Variants in ARMC7 observed in about 807,000 individuals in gnomAD.
The protein encoded by ARMC7 is armadillo repeat-containing protein 7.
In ARMC7, 9 loss-of-function variants were observed where a neutral mutation model predicts 14.8. The ratio of observed to expected loss-of-function variants is 0.61; its 90% confidence interval spans 0.37 to 1.06. ARMC7 has a LOEUF of 1.06. Ranked by LOEUF, ARMC7 falls within the 50% of genes least tolerant of loss-of-function variation. ARMC7 has a pLI of 0.01. For missense variants in ARMC7, 262 were observed against 267.1 expected, an observed-to-expected ratio of 0.98 and a Z score of 0.13; for synonymous variants, 125 against 123.4, an observed-to-expected ratio of 1.01 and a Z score of -0.09.
At chr17:75,125,419 CAG>C (rs536086367) in intron 2 of ARMC7, among the ~76,000 whole-genome samples, 73 of 152,230 alleles carry the variant, frequency 4.8e-4, no homozygotes, top group Non-Finnish European at 8.8e-4. Context: ...TGAAAGGTCT[CAG>C]GGATGGACTG....
chr17:75,116,736 T>G (rs1370885977), intron 2 of ARMC7, among the ~76,000 whole-genome samples: 1 of 152,194 alleles, frequency 6.6e-6, no homozygotes, highest in Non-Finnish European at 1.5e-5. Flanking sequence ...TTCCTAGGAT[T>G]GTGGAGCGAA....
rs1440899283 is a variant in ARMC7, at chr17:75,110,331, G to T, written c.43G>T (p.Gly15Ter). ...PKVDPHVGRL[G>*]YLQALVTEFQ... ...GGTGGACCCCCACGTCGGGCGGCTG[G>T]GATACCTGCAGGCGCTGGTCACGGA... Residue 15 changes from glycine (G) to a stop codon, truncating the protein, a stop_gained, in exon 1 of 3, where the codon GGA (glycine) becomes TGA (stop). Coordinates refer to ENST00000245543, the MANE Select transcript of ARMC7 (RefSeq NM_024585.4). LOFTEE classifies it high-confidence loss of function. The T allele has an allele frequency of 6.2e-7, 1 of 1,613,776 alleles. No individual in the cohort carries two copies. The highest frequency in any genetic ancestry group is 1.3e-5 in the African/African-American group (1 of 74,924).
At chr17:75,118,749 G>A (rs892219746) in intron 2 of ARMC7, among the ~76,000 whole-genome samples, 16 of 152,282 alleles carry the variant, frequency 1.1e-4, no homozygotes, top group East Asian at 3.9e-4. Flanking sequence ...CTGGATGCCC[G>A]CCCAGTGCAC....
intron 2 of ARMC7, among the ~76,000 whole-genome samples, chr17:75,121,343 A>G (rs1457744265): frequency 6.6e-6 from 1 of 152,188 alleles, no homozygotes; most frequent in African/African-American, 2.4e-5. Context: ...GAAGCTGCCA[A>G]ATCACTTTCC....
rs2074077889 is a variant in ARMC7, at chr17:75,128,993, C to T, written c.552C>T (p.Ala184=). ...AEARSRQAHS[A]LGIPLPRSVA... Reference sequence around the variant, plus strand: ...CCCGCAGCCGGCAGGCGCACTCTGCCCTGGGTATCCCACTGCCGAGGAGCG... The same window carrying T: ...CCCGCAGCCGGCAGGCGCACTCTGCTCTGGGTATCCCACTGCCGAGGAGCG... Residue 184 remains alanine (A), a synonymous_variant, in exon 3 of 3, where the codon GCC becomes GCT. Coordinates refer to ENST00000245543, the MANE Select transcript of ARMC7 (RefSeq NM_024585.4). 6.2e-7 allele frequency: 1 copy of T among 1,600,618 alleles called. No individual in the cohort carries two copies. Among genetic ancestry groups the T allele is most frequent in the East Asian group, 2.2e-5 (1 of 44,872 alleles).
rs370804325 is a variant in ARMC7, at chr17:75,119,161, CACTGG to C, written c.235+8561_235+8565del. ...TGGACTGTACACTGGTACACTGGTA[CACTGG>C]ACTGGTACACTGGACTATTCACAGG... On this transcript the variant is annotated intron_variant, in intron 2 of 2. Coordinates refer to ENST00000245543, the MANE Select transcript of ARMC7 (RefSeq NM_024585.4). 2.3e-4 allele frequency among the ~76,000 whole-genome samples: 34 copies of C among 148,258 alleles called. No individual in the cohort carries two copies. The East Asian group carries it at 6.6e-3, about 29-fold the overall frequency.
At chr17:75,117,075 T>A (rs8068091) in intron 2 of ARMC7, among the ~76,000 whole-genome samples, 1 of 152,170 alleles carries the variant, frequency 6.6e-6, no homozygotes, top group Non-Finnish European at 1.5e-5. Context: ...TTTGTTTTTG[T>A]TTTTGGTTTT....
chr17:75,128,762 A>G lies in ARMC7; in HGVS notation c.321A>G (p.Leu107=), dbSNP rs995452833. ...GTGTCCCACTCATCATCAACTGCCT[A>G]TCCAGCCCCAATGAGGAGACGGTGC... ...AGGVPLIINC[L]SSPNEETVLS... is the part of the protein sequence containing the mutation. The change falls in exon 3 of 3, where the codon CTA becomes CTG. Residue 107 remains leucine, a synonymous_variant. Transcript: ENST00000245543. 2.0e-5 allele frequency: 32 copies of G among 1,613,434 alleles called. No homozygotes were observed. Among genetic ancestry groups the G allele is most frequent in the Non-Finnish European group, 2.5e-5 (30 of 1,179,978 alleles).
intron 2 of ARMC7, among the ~76,000 whole-genome samples, chr17:75,120,387 G>A (rs1321758157): frequency 6.6e-6 from 1 of 152,224 alleles, no homozygotes; most frequent in East Asian, 1.9e-4. Context: ...CAGGGTTCTC[G>A]TGTAGAGTTC....
At position 75,127,078 on chromosome 17, in the gene ARMC7, A is replaced by T. The variant is rs931421767; in HGVS notation, c.236-1599A>T. 2.6e-3 allele frequency among the ~76,000 whole-genome samples: 342 copies of T among 132,980 alleles called. 4 individuals carry two copies. The highest frequency in any genetic ancestry group is 8.6e-3 in the African/African-American group (318 of 36,846). The allele number at this position is 132,980 out of a possible 152,430, so 87.2% of individuals were successfully genotyped here. ...CTGTCTCAAAAAAAAAAAAAAAAAA[A>T]GCTGGCGTAAGCCATGCACAGTGGT... On this transcript the variant is annotated intron_variant, in intron 2 of 2. Coordinates refer to ENST00000245543, the MANE Select transcript of ARMC7 (RefSeq NM_024585.4).
chr17:75,121,610 C>T (rs776949265), intron 2 of ARMC7, among the ~76,000 whole-genome samples: 1 of 152,098 alleles, frequency 6.6e-6, no homozygotes, highest in Non-Finnish European at 1.5e-5. Flanking sequence ...GACAGGTTTT[C>T]GCCATGTTGG....
intron 2 of ARMC7, 144 bp downstream of exon 2, chr17:75,110,750 G>A (rs988059722): frequency 1.1e-5 from 13 of 1,144,586 alleles, no homozygotes; most frequent in Middle Eastern, 2.8e-4. Context: ...ATCACCTGAG[G>A]TCATGAGTTC....
At position 75,110,144 on chromosome 17, in the gene ARMC7, A is replaced by C. The variant is rs2073897227; in HGVS notation, c.-145A>C. 2 of 722,704 alleles carry C rather than the reference A, an allele frequency of 2.8e-6. No individual in the cohort carries two copies. The allele number at this position is 722,704 out of a possible 1,614,324, so 44.8% of individuals were successfully genotyped here. ...ATTTCCAGCTGCAAATTACTGCAGA[A>C]TCTGAACCCAGGAAAGAAACCCATT... On this transcript the variant is annotated 5_prime_UTR_variant, in exon 1 of 3. Transcript: ENST00000245543.
chr17:75,110,981 G>A (rs374265926), intron 2 of ARMC7, among the ~76,000 whole-genome samples: 2,354 of 136,206 alleles, frequency 0.017, 66 homozygotes, highest in African/African-American at 0.062. Context: ...AAAAAAAGCC[G>A]CACACAGTGG....
intron 2 of ARMC7, among the ~76,000 whole-genome samples, chr17:75,117,146 G>A (rs1264333838): frequency 6.6e-6 from 1 of 152,112 alleles, no homozygotes; most frequent in Non-Finnish European, 1.5e-5. Context: ...GTGCAATCTC[G>A]TCTCACTGCA....
At chr17:75,123,757 C>T (rs1204537875) in intron 2 of ARMC7, among the ~76,000 whole-genome samples, 1 of 151,812 alleles carries the variant, frequency 6.6e-6, no homozygotes, top group Non-Finnish European at 1.5e-5. Flanking sequence ...ACTAAAAATA[C>T]AAAATTAGCT....
In ARMC7 at chr17:75,113,790, G is replaced by A. The variant is rs143808334; in HGVS notation, c.235+3184G>A. Reference sequence around the variant, plus strand: ...TGAGGGGGCTCCAGCACATGTGTGTGCGGATTCACACCCCCACAGACAGCT... The same window carrying A: ...TGAGGGGGCTCCAGCACATGTGTGTACGGATTCACACCCCCACAGACAGCT... On this transcript the variant is annotated intron_variant, in intron 2 of 2. Coordinates refer to ENST00000245543, the MANE Select transcript of ARMC7 (RefSeq NM_024585.4). 9.8e-5 allele frequency among the ~76,000 whole-genome samples: 15 copies of A among 152,348 alleles called. No individual in the cohort carries two copies. In the South Asian group the frequency reaches 2.1e-3, roughly 21 times the overall value.
intron 2 of ARMC7, among the ~76,000 whole-genome samples, chr17:75,124,264 C>T (rs1281282545): frequency 1.3e-5 from 2 of 152,304 alleles, no homozygotes; most frequent in South Asian, 2.1e-4. Flanking sequence ...CCTGCCACTG[C>T]GGAGAGGGTC....
At chr17:75,126,923 A>G (rs1439718330) in intron 2 of ARMC7, among the ~76,000 whole-genome samples, 1 of 151,974 alleles carries the variant, frequency 6.6e-6, no homozygotes, top group Admixed American at 6.6e-5. Context: ...TTAGCCGGGC[A>G]TGGTGGCACA....
Sources: gnomAD v4.1 joint callset for allele counts (sites outside exome capture counted in the v4.1 genomes callset) on GRCh38, gnomAD v4.1.1 for gene constraint, MANE v1.5 for transcripts, NCBI Gene and HGNC (gene_info 2026-07-23, HGNC 2026-07-21) for gene names.